The following IMPDH1 variants were observed in gnomAD, a reference collection of about 807,000 sequenced individuals.
IMPDH1 encodes the protein inosine monophosphate dehydrogenase 1, also known as inosine-5'-monophosphate dehydrogenase 1.
Under a neutral mutation model 73.5 loss-of-function variants are expected in IMPDH1, and 41 were observed. That is an observed-to-expected ratio of 0.56 (90% confidence interval 0.43 to 0.72). IMPDH1 has a LOEUF of 0.72. Ranked by LOEUF, IMPDH1 falls within the 30% of genes least tolerant of loss-of-function variation. IMPDH1 has a pLI of 0.00. For synonymous variants in IMPDH1, 318 were observed against 334.3 expected (o/e 0.95, Z 0.53); for missense variants, 645 against 824.8 (o/e 0.78, Z 2.67).
chr7:128,409,723 G>T (rs1401312656), intron 1 of IMPDH1, 33 bp downstream of exon 1: 4 of 1,525,476 alleles, frequency 2.6e-6, no homozygotes, highest in Non-Finnish European at 3.5e-6. Flanking sequence ...GCCCGCCCCG[G>T]ATGCGCCCCG....
Position 128,396,734 on chromosome 7 carries a change from G to T in IMPDH1, c.1166-39C>A. 6.7e-7 allele frequency: 1 copy of T among 1,500,036 alleles called. No individual in the cohort carries two copies. The highest frequency in any genetic ancestry group is 9.1e-7 in the Non-Finnish European group (1 of 1,100,742). The allele number at this position is 1,500,036 out of a possible 1,614,324, so 92.9% of individuals were successfully genotyped here. ...TGGGGCAGAGGAACAATGTGAGGAT[G>T]GGATGCCCCTGCCTGCCCAACAGCC... On this transcript the variant is annotated intron_variant, in intron 11 of 16. Transcript: ENST00000338791. The surrounding 1 kb of genome is among the most constrained non-coding windows in gnomAD (Gnocchi z 4.0).
In IMPDH1 at chr7:128,398,632, G is replaced by A. The variant is rs1798098552; in HGVS notation, c.875-19C>T. 1 of 1,602,360 alleles carries A rather than the reference G, an allele frequency of 6.2e-7. No homozygotes were observed. The highest frequency in any genetic ancestry group is 8.5e-7 in the Non-Finnish European group (1 of 1,170,026). ...AGCTTCCCTGACAAGGAATGCAGGG[G>A]TGAAATGAAGCAGGCTTGGTGGGGA... On this transcript the variant is annotated intron_variant, in intron 9 of 16. Coordinates refer to ENST00000338791, the MANE Select transcript of IMPDH1 (RefSeq NM_000883.4). The surrounding 1 kb of genome is among the most constrained non-coding windows in gnomAD (Gnocchi z 4.3).
rs377736744 is a variant in IMPDH1 at position 128,409,815 on chromosome 7, G to A, written c.87C>T (p.His29=). The A allele has an allele frequency of 1.1e-5, 16 of 1,497,480 alleles. No individual in the cohort carries two copies. In the East Asian group the frequency reaches 2.5e-4, roughly 23 times the overall value. 92.8% of individuals were successfully genotyped at this position (1,497,480 alleles called of 1,614,324 possible). A position where few individuals can be genotyped will look rare whatever the true frequency, so the allele number is the denominator to read the frequency against. The change falls in exon 1 of 17, where the codon CAC becomes CAT. Residue 29 remains histidine, a synonymous_variant. Transcript: ENST00000338791. ...PEPGARQHPG[H]ETAAQRYSAR... ...CGCTGTACCGCTGCGCCGCCGTCTC[G>A]TGTCCCGGGTGTTGCCGGGCTCCGG...
In IMPDH1 at chr7:128,396,513, C is replaced by T. The variant is rs1797922983; in HGVS notation, c.1261+87G>A. The T allele has an allele frequency of 1.9e-6, 2 of 1,073,752 alleles. No homozygotes were observed. The highest frequency in any genetic ancestry group is 2.0e-5 in the Admixed American group (1 of 50,404). 66.5% of individuals were successfully genotyped at this position (1,073,752 alleles called of 1,614,324 possible). On this transcript the variant is annotated intron_variant, in intron 12 of 16. Transcript: ENST00000338791. This position sits in a 1 kb window ranked among gnomAD's most constrained non-coding sequence, Gnocchi z 4.0. Reference sequence around the variant, plus strand: ...GGAGCCTACCATGGCAGAACAGGGCCTGGCAGAGAGAGTACTTGATATACA... The same window carrying T: ...GGAGCCTACCATGGCAGAACAGGGCTTGGCAGAGAGAGTACTTGATATACA...
rs1045476076 is a variant in IMPDH1 at position 128,396,456 on chromosome 7, C to T, written c.1261+144G>A. 2.1e-5 allele frequency: 15 copies of T among 726,974 alleles called. No individual in the cohort carries two copies. Among genetic ancestry groups the T allele is most frequent in the Non-Finnish European group, 2.7e-5 (11 of 405,350 alleles). The allele number at this position is 726,974 out of a possible 1,614,324, so 45.0% of individuals were successfully genotyped here. On this transcript the variant is annotated intron_variant, in intron 12 of 16. Coordinates refer to ENST00000338791, the MANE Select transcript of IMPDH1 (RefSeq NM_000883.4). This position sits in a 1 kb window ranked among gnomAD's most constrained non-coding sequence, Gnocchi z 4.0. ...CTGCCTTCCCCTAAGTCAGTGGGCC[C>T]GATGGGGTGGGGCCCATGCCTGGGT...
rs1403211839 is a variant in IMPDH1, at chr7:128,394,563, C to A, written c.1587G>T (p.Ser529=). The A allele has an allele frequency of 2.5e-6, 4 of 1,613,692 alleles. No homozygotes were observed. The highest frequency in any genetic ancestry group is 3.4e-6 in the Non-Finnish European group (4 of 1,179,970). ...GDKVKIAQGV[S]GSIQDKGSIQ... is the part of the protein sequence containing the mutation. ...TGGATCCTTTGTCCTGGATGGAGCC[C>A]GAGACACCCTGCGCGATCTTCACTT... The change falls in exon 15 of 17, where the codon TCG becomes TCT. Residue 529 remains serine, a synonymous_variant. Transcript: ENST00000338791. This position sits in a 1 kb window ranked among gnomAD's most constrained non-coding sequence, Gnocchi z 5.5.
At chr7:128,409,626 G>A in intron 1 of IMPDH1, 130 bp downstream of exon 1, 1 of 1,515,574 alleles carries the variant, frequency 6.6e-7, no homozygotes, top group Non-Finnish European at 9.1e-7. Context: ...GTTAGAGGCT[G>A]AGGCGGTAAT....
chr7:128,398,682 G>T lies in IMPDH1; in HGVS notation c.875-69C>A. On this transcript the variant is annotated intron_variant, in intron 9 of 16. Coordinates refer to ENST00000338791, the MANE Select transcript of IMPDH1 (RefSeq NM_000883.4). The surrounding 1 kb of genome is among the most constrained non-coding windows in gnomAD (Gnocchi z 4.3). ...AGAAGTTTGGGAGATGTTTAGGAGG[G>T]TGAAGATGAAAGTGGACCACTCCAG... 7.5e-7 allele frequency: 1 copy of T among 1,340,282 alleles called. No individual in the cohort carries two copies. The highest frequency in any genetic ancestry group is 1.1e-6 in the Non-Finnish European group (1 of 938,574). 83.0% of individuals were successfully genotyped at this position (1,340,282 alleles called of 1,614,324 possible).
intron 16 of IMPDH1, chr7:128,393,865 G>A (rs1434938980): frequency 1.9e-5 from 6 of 311,302 alleles, no homozygotes; most frequent in Admixed American, 8.9e-5. Context: ...CCCCGCCCAC[G>A]GTTGCCCCAG....
In IMPDH1 at chr7:128,400,349, G is replaced by A. The variant is rs768530723; in HGVS notation, c.770C>T (p.Thr257Ile). Residue 257 changes from threonine to isoleucine, a missense_variant, in exon 8 of 17, where the codon ACC becomes ATC. By Grantham distance (89) the Thr-to-Ile change is moderately conservative. This residue lies in a region of IMPDH1 where 459 missense variants were observed against 638.2 expected (regional missense o/e 0.72). Transcript: ENST00000338791. Reference protein sequence around the residue: ...DIDFLAEKDHTTLLSEVMTPR... With the variant: ...DIDFLAEKDHITLLSEVMTPR... ...TGCAGGTACCTCACTGAGGAGGGTG[G>A]TGTGGTCCTTCTCAGCAAGAAAGTC... is the stretch of plus-strand genomic sequence containing the variant. 7 of 1,613,432 alleles carry A rather than the reference G, an allele frequency of 4.3e-6. No homozygotes were observed. Among genetic ancestry groups the A allele is most frequent in the East Asian group, 4.5e-5 (2 of 44,852 alleles).
At chr7:128,405,915 C>CGCTGCCGCCGCTGCTGCTGCTGCTACT in intron 3 of IMPDH1, 50 bp from the exon 4 acceptor site, 1 of 1,459,664 alleles carries the variant, frequency 6.9e-7, no homozygotes. Flanking sequence ...GGCCGCCCGC[C>CGCTGCCGCCGCTGCTGCTGCTGCTACT]GCTGCCGCCG....
rs375104715 is a variant in IMPDH1 at position 128,398,599 on chromosome 7, C to T, written c.889G>A (p.Val297Ile). The change falls in exon 10 of 17, where the codon GTC becomes ATC. Residue 297 changes from valine to isoleucine, a missense_variant. Transcript: ENST00000338791. This position sits in a 1 kb window ranked among gnomAD's most constrained non-coding sequence, Gnocchi z 4.3. ...GCCACCAGCTCATCGCAATCATTGACGATAGGCAGCTTCCCTGACAAGGAA... is the reference window on the plus strand; with the variant it reads ...GCCACCAGCTCATCGCAATCATTGATGATAGGCAGCTTCCCTGACAAGGAA... ...QRSKKGKLPI[V>I]NDCDELVAII... 1.4e-5 allele frequency: 22 copies of T among 1,612,604 alleles called. No individual in the cohort carries two copies. The highest frequency in any genetic ancestry group is 2.7e-5 in the African/African-American group (2 of 74,894).
At position 128,396,080 on chromosome 7, in the gene IMPDH1, A is replaced by G. The variant is rs1311288811; in HGVS notation, c.1261+520T>C. 6.6e-6 allele frequency among the ~76,000 whole-genome samples: 1 copy of G among 152,142 alleles called. No homozygotes were observed. The highest frequency in any genetic ancestry group is 2.4e-5 in the African/African-American group (1 of 41,420). On this transcript the variant is annotated intron_variant, in intron 12 of 16. Coordinates refer to ENST00000338791, the MANE Select transcript of IMPDH1 (RefSeq NM_000883.4). This position sits in a 1 kb window ranked among gnomAD's most constrained non-coding sequence, Gnocchi z 4.0. ...CTTCCAGGCAGCCACCCCACAAGTC[A>G]GATACCAGCCTCCAGGGAGCACCTC...
In IMPDH1 at chr7:128,409,434, G is replaced by C. The variant is rs756962947; in HGVS notation, c.190+7C>G. On this transcript the variant is annotated splice_region_variant and intron_variant, in intron 2 of 16. Coordinates refer to ENST00000338791, the MANE Select transcript of IMPDH1 (RefSeq NM_000883.4). ...AGCACTGTTTGAACCCCAGGAGTTG[G>C]AGCCACCTGAACGGGGTGTCGTCGG... The C allele has an allele frequency of 1.9e-6, 3 of 1,614,218 alleles. No individual in the cohort carries two copies. Among genetic ancestry groups the C allele is most frequent in the South Asian group, 2.2e-5 (2 of 91,090 alleles).
chr7:128,398,494 C>T lies in IMPDH1; in HGVS notation c.994G>A (p.Gly332Arg). 1 of 1,613,690 alleles carries T rather than the reference C, an allele frequency of 6.2e-7. No homozygotes were observed. Among genetic ancestry groups the T allele is most frequent in the Non-Finnish European group, 8.5e-7 (1 of 1,179,752 alleles). Residue 332 changes from glycine (G) to arginine (R), a missense_variant, in exon 10 of 17, where the codon GGG becomes AGG. By Grantham distance (125) the Gly-to-Arg change is moderately radical. Around this residue, in one of 2 missense-constraint regions of IMPDH1, gnomAD observed 459 missense variants for 638.2 expected, o/e 0.72. Transcript: ENST00000338791. This position sits in a 1 kb window ranked among gnomAD's most constrained non-coding sequence, Gnocchi z 4.3. The part of the protein sequence containing the change: ...SKDSQKQLLC[G>R]AAVGTREDDK... ...TCCTCACGGGTGCCCACAGCTGCCC[C>T]ACAGAGCAGCTGCTTCTGGGAATCC... is the stretch of plus-strand genomic sequence containing the variant.
At chr7:128,402,932 T>A (rs1192357277) in intron 5 of IMPDH1, among the ~76,000 whole-genome samples, 1 of 152,230 alleles carries the variant, frequency 6.6e-6, no homozygotes, top group Non-Finnish European at 1.5e-5. Context: ...CCAGTTCTTG[T>A]ACATTGTGGA....
Position 128,394,450 on chromosome 7 carries a change from A to G in IMPDH1, c.1694+6T>C. The G allele has an allele frequency of 6.2e-7, 1 of 1,613,950 alleles. No homozygotes were observed. The highest frequency in any genetic ancestry group is 8.5e-7 in the Non-Finnish European group (1 of 1,179,960). ...AGCAGGAGCCACCCCCAGTCTCAGC[A>G]CTCACCGAAGGACAGACAGGCTGCG... On this transcript the variant is annotated splice_donor_region_variant and intron_variant, in intron 15 of 16. Transcript: ENST00000338791. This position sits in a 1 kb window ranked among gnomAD's most constrained non-coding sequence, Gnocchi z 5.5.
chr7:128,397,021 T>A lies in IMPDH1; in HGVS notation c.1076A>T (p.Asp359Val). 1 of 1,612,752 alleles carries A rather than the reference T, an allele frequency of 6.2e-7. No individual in the cohort carries two copies. Among genetic ancestry groups the A allele is most frequent in the Non-Finnish European group, 8.5e-7 (1 of 1,178,864 alleles). ...ATACACCGAATTCCCTTGGGACGAGTCCTGTGAGAAAGGACGGAAGAGCTT... is the reference window on the plus strand; with the variant it reads ...ATACACCGAATTCCCTTGGGACGAGACCTGTGAGAAAGGACGGAAGAGCTT... ...TQAGVDVIVLDSSQGNSVYQI... is the reference protein window; with the variant it reads ...TQAGVDVIVLVSSQGNSVYQI... The change falls in exon 11 of 17, where the codon GAC becomes GTC. Residue 359 changes from aspartate (D) to valine (V), a missense_variant and splice_region_variant. By Grantham distance (152) the Asp-to-Val change is radical. Transcript: ENST00000338791.
At chr7:128,397,309 C>T (rs555740605) in intron 10 of IMPDH1, among the ~76,000 whole-genome samples, 1 of 152,286 alleles carries the variant, frequency 6.6e-6, no homozygotes, top group East Asian at 1.9e-4. Flanking sequence ...CAAGGAGACA[C>T]TGCCTGGAGC....
Sources: allele counts gnomAD v4.1 joint callset (sites outside exome capture counted in the v4.1 genomes callset), GRCh38; gene constraint gnomAD v4.1.1; regional missense constraint gnomAD v4.1.1; non-coding constraint Gnocchi (gnomAD v3.1); transcripts MANE v1.5; gene names NCBI Gene and HGNC (gene_info 2026-07-23, HGNC 2026-07-21).